SCFD2: variants seen among roughly 807,000 people sequenced by gnomAD.
SCFD2 encodes the protein sec1 family domain containing 2, also known as sec1 family domain-containing protein 2.
SCFD2 carries 54 observed loss-of-function variants against 58.9 expected under a neutral mutation model. That is an observed-to-expected ratio of 0.92 (90% CI 0.74 to 1.15). The LOEUF is 1.15. Ranked by LOEUF, SCFD2 falls within the 50% of genes most tolerant of loss-of-function variation. The probability of loss-of-function intolerance (pLI) is 0.00; values close to 1 mark genes in which losing one functional copy is unlikely to be tolerated. For synonymous variants in SCFD2, 321 were observed against 335.9 expected, an observed-to-expected ratio of 0.96 and a Z score of 0.49; for missense variants, 805 against 836.6, an observed-to-expected ratio of 0.96 and a Z score of 0.47.
chr4:53,207,796 GA>G lies in SCFD2; in HGVS notation c.1312-62215del, dbSNP rs1728482601. 2.7e-5 allele frequency among the ~76,000 whole-genome samples: 4 copies of G among 149,736 alleles called. No individual in the cohort carries two copies. In the South Asian group the frequency reaches 8.5e-4, roughly 32 times the overall value. The stretch of plus-strand genomic sequence containing the variant: ...TCTCTTCTTCTTTCTCGGGCCATGT[GA>G]AAACATGTCTGCTTCCCCTCTGCCT... On this transcript the variant is annotated intron_variant, in intron 4 of 8. Coordinates refer to ENST00000401642, the MANE Select transcript of SCFD2 (RefSeq NM_152540.4).
At chr4:53,199,834 CAG>C (rs1476025012) in intron 4 of SCFD2, among the ~76,000 whole-genome samples, 4 of 152,014 alleles carry the variant, frequency 2.6e-5, no homozygotes, top group African/African-American at 9.7e-5. Context: ...AGTTTGACAT[CAG>C]GGTGTCAGTA....
intron 2 of SCFD2, among the ~76,000 whole-genome samples, chr4:53,316,390 T>C (rs1208763157): frequency 6.6e-6 from 1 of 152,132 alleles, no homozygotes; most frequent in Non-Finnish European, 1.5e-5. Context: ...TGCACATAAT[T>C]AATGCTCTCT....
intron 5 of SCFD2, among the ~76,000 whole-genome samples, chr4:52,927,245 C>A (rs894591079): frequency 6.6e-6 from 1 of 151,962 alleles, no homozygotes; most frequent in African/African-American, 2.4e-5. Context: ...TATATGTAAT[C>A]TTTAAATTAA....
At chr4:52,993,359 C>T (rs996365583) in intron 5 of SCFD2, among the ~76,000 whole-genome samples, 3 of 152,042 alleles carry the variant, frequency 2.0e-5, no homozygotes, top group African/African-American at 7.2e-5. Context: ...TGCCAAATCC[C>T]CCTCTCGGAG....
chr4:53,106,052 C>G (rs28824263), intron 5 of SCFD2, among the ~76,000 whole-genome samples: 6,096 of 152,218 alleles, frequency 0.04, 410 homozygotes, highest in African/African-American at 0.14. Context: ...CCCAGTCAAA[C>G]AGGGTCTGGA....
At chr4:52,935,648 C>G (rs958795160) in intron 5 of SCFD2, among the ~76,000 whole-genome samples, 1 of 152,204 alleles carries the variant, frequency 6.6e-6, no homozygotes, top group African/African-American at 2.4e-5. Context: ...GTCTGATACA[C>G]AGACGTGGCT....
intron 4 of SCFD2, among the ~76,000 whole-genome samples, chr4:53,156,204 G>A (rs1460400788): frequency 6.6e-6 from 1 of 151,714 alleles, no homozygotes; most frequent in Non-Finnish European, 1.5e-5. Flanking sequence ...CAAGAGAGCA[G>A]CCTGGCCAAT....
intron 5 of SCFD2, among the ~76,000 whole-genome samples, chr4:53,080,965 A>T (rs1318450603): frequency 1.3e-5 from 2 of 152,176 alleles, no homozygotes; most frequent in African/African-American, 4.8e-5. Context: ...TTGGAAAAAA[A>T]TTGTACATCT....
chr4:52,962,245 C>T (rs1387423250), intron 5 of SCFD2, among the ~76,000 whole-genome samples: 1 of 152,180 alleles, frequency 6.6e-6, no homozygotes, highest in Non-Finnish European at 1.5e-5. Context: ...GTTGCAAATG[C>T]AGATTTGGCA....
At chr4:52,959,226 T>C (rs1720786880) in intron 5 of SCFD2, among the ~76,000 whole-genome samples, 2 of 152,142 alleles carry the variant, frequency 1.3e-5, no homozygotes, top group African/African-American at 4.8e-5. Context: ...AATGGCTGTG[T>C]GATGTTCAAC....
At chr4:53,229,511 G>A (rs1463507566) in intron 4 of SCFD2, among the ~76,000 whole-genome samples, 7 of 152,174 alleles carry the variant, frequency 4.6e-5, no homozygotes, top group Admixed American at 3.3e-4. Flanking sequence ...ACAAAAACAA[G>A]CAATGGGGAA....
At chr4:53,314,832 C>A (rs1238319545) in intron 2 of SCFD2, among the ~76,000 whole-genome samples, 1 of 152,066 alleles carries the variant, frequency 6.6e-6, no homozygotes. Flanking sequence ...TTTTTATTAT[C>A]ATGTATCTTT....
intron 5 of SCFD2, among the ~76,000 whole-genome samples, chr4:53,037,857 G>A (rs778062475): frequency 6.6e-6 from 1 of 152,052 alleles, no homozygotes; most frequent in African/African-American, 2.4e-5. Flanking sequence ...TCCTGGCAAA[G>A]CAAGGCCAAG....
At chr4:53,272,462 C>T (rs2149067335) in intron 4 of SCFD2, among the ~76,000 whole-genome samples, 1 of 152,250 alleles carries the variant, frequency 6.6e-6, no homozygotes, top group Admixed American at 6.5e-5. Context: ...AAATGTCCAA[C>T]AATGATAGAC....
chr4:53,353,524 T>C (rs1350254943), intron 1 of SCFD2, among the ~76,000 whole-genome samples: 1 of 152,204 alleles, frequency 6.6e-6, no homozygotes, highest in Non-Finnish European at 1.5e-5. Context: ...CACATCCTGC[T>C]GAGTGGTCCG....
At chr4:52,969,355 A>C (rs566659447) in intron 5 of SCFD2, among the ~76,000 whole-genome samples, 5 of 152,354 alleles carry the variant, frequency 3.3e-5, no homozygotes, top group African/African-American at 1.2e-4. Context: ...TAAATCATAC[A>C]TAAATATAAA....
chr4:53,253,375 C>A (rs1730471713), intron 4 of SCFD2, among the ~76,000 whole-genome samples: 1 of 152,012 alleles, frequency 6.6e-6, no homozygotes, highest in South Asian at 2.1e-4. Flanking sequence ...TTGACCCAGC[C>A]ATCCCATTAC....
chr4:52,982,857 C>T (rs963936047), intron 5 of SCFD2, among the ~76,000 whole-genome samples: 15 of 152,130 alleles, frequency 9.9e-5, no homozygotes, highest in Non-Finnish European at 1.9e-4. Context: ...TATACTTCAT[C>T]CCAATTTATT....
intron 4 of SCFD2, among the ~76,000 whole-genome samples, chr4:53,183,414 A>AAC (rs1727639756): frequency 6.6e-6 from 1 of 152,154 alleles, no homozygotes; most frequent in Non-Finnish European, 1.5e-5. Context: ...AAAAAAACCA[A>AAC]ACACCGCATG....
Sources: gnomAD v4.1 joint callset for allele counts (sites outside exome capture counted in the v4.1 genomes callset) on GRCh38, gnomAD v4.1.1 for gene constraint, MANE v1.5 for transcripts, NCBI Gene and HGNC (gene_info 2026-07-23, HGNC 2026-07-21) for gene names.